Variants in PCDHGA1 observed in about 807,000 individuals in gnomAD.
PCDHGA1 encodes protocadherin gamma subfamily A, 1.
PCDHGA1 carries 32 observed loss-of-function variants against 58.0 expected under a neutral mutation model. That is an observed-to-expected ratio of 0.55 (90% CI 0.42 to 0.74). PCDHGA1 has a LOEUF of 0.74. PCDHGA1 is among the 30% of genes least tolerant of loss of function. The pLI, the probability that PCDHGA1 is intolerant of heterozygous loss-of-function variation, is 0.00. For synonymous variants in PCDHGA1, 498 were observed against 501.1 expected (o/e 0.99, Z 0.08); for missense variants, 1,205 against 1,182.3 (o/e 1.02, Z -0.28).
At position 141,487,934 on chromosome 5, in the gene PCDHGA1, C is replaced by G; in HGVS notation, c.2422-6873C>G. 4.9e-6 allele frequency: 3 copies of G among 607,674 alleles called. No individual in the cohort carries two copies. Among genetic ancestry groups the G allele is most frequent in the Non-Finnish European group, 5.8e-6 (2 of 347,576 alleles). The allele number at this position is 607,674 out of a possible 1,614,324, so 37.6% of individuals were successfully genotyped here. A position where few individuals can be genotyped will look rare whatever the true frequency, so the allele number is the denominator to read the frequency against. On this transcript the variant is annotated intron_variant, in intron 1 of 3. Transcript: ENST00000517417. The surrounding 1 kb of genome is among the most constrained non-coding windows in gnomAD (Gnocchi z 5.0). ...ACAGGAGGCTACAGTGCACAGGGTA[C>G]AGTGCACCAGGCAGTCACTTGGACA... is the stretch of plus-strand genomic sequence containing the variant.
intron 3 of PCDHGA1, among the ~76,000 whole-genome samples, chr5:141,506,923 C>G: frequency 6.6e-6 from 1 of 152,184 alleles, no homozygotes; most frequent in African/African-American, 2.4e-5. Flanking sequence ...ACATACTAAA[C>G]AAACTTTAGG....
chr5:141,460,467 AG>A (rs1303418429), intron 1 of PCDHGA1, among the ~76,000 whole-genome samples: 1 of 152,114 alleles, frequency 6.6e-6, no homozygotes, highest in African/African-American at 2.4e-5. Flanking sequence ...TTTTTTCCAA[AG>A]GAATATCCAA....
intron 1 of PCDHGA1, among the ~76,000 whole-genome samples, chr5:141,450,696 A>G (rs943551061): frequency 1.3e-5 from 2 of 152,164 alleles, no homozygotes; most frequent in East Asian, 3.9e-4. Flanking sequence ...CATGTTGCCC[A>G]GGATGGTCTC....
intron 1 of PCDHGA1, among the ~76,000 whole-genome samples, chr5:141,349,462 A>G (rs1403723777): frequency 6.6e-6 from 1 of 152,194 alleles, no homozygotes; most frequent in Non-Finnish European, 1.5e-5. Flanking sequence ...ATGTATGTGT[A>G]CCCCAACACT....
At chr5:141,452,831 G>A (rs1184490491) in intron 1 of PCDHGA1, among the ~76,000 whole-genome samples, 1 of 152,104 alleles carries the variant, frequency 6.6e-6, no homozygotes, top group Non-Finnish European at 1.5e-5. Flanking sequence ...AAAATCACTT[G>A]GTCCAGCCCA....
rs1364890100 is a variant in PCDHGA1 at position 141,344,166 on chromosome 5, G to T, written c.2421+11061G>T. ...TGAGGAGCTAGATAAAGGTTCCTTC[G>T]TGGGCAACATCGCTAACGACCTGGG... On this transcript the variant is annotated intron_variant, in intron 1 of 3. Coordinates refer to ENST00000517417, the MANE Select transcript of PCDHGA1 (RefSeq NM_018912.3). 72 of 1,613,904 alleles carry T rather than the reference G, an allele frequency of 4.5e-5. No individual in the cohort carries two copies. The highest frequency in any genetic ancestry group is 5.8e-5 in the Non-Finnish European group (68 of 1,179,908).
rs769760594 is a variant in PCDHGA1, at chr5:141,389,212, TA to T, written c.2421+56110del. ...AGCATCACCCTGCACATTGGTGATG[TA>T]AATGACAACGCTCCGGTTTTCTCAC... On this transcript the variant is annotated intron_variant, in intron 1 of 3. Coordinates refer to ENST00000517417, the MANE Select transcript of PCDHGA1 (RefSeq NM_018912.3). 96 of 1,614,016 alleles carry T rather than the reference TA, an allele frequency of 5.9e-5. No homozygotes were observed. The East Asian group carries it at 2.0e-3, about 33-fold the overall frequency.
At position 141,432,143 on chromosome 5, in the gene PCDHGA1, C is replaced by A; in HGVS notation, c.2422-62664C>A. The A allele has an allele frequency of 6.2e-7, 1 of 1,614,084 alleles. No homozygotes were observed. Among genetic ancestry groups the A allele is most frequent in the South Asian group, 1.1e-5 (1 of 91,068 alleles). On this transcript the variant is annotated intron_variant, in intron 1 of 3. Transcript: ENST00000517417. The surrounding 1 kb of genome is among the most constrained non-coding windows in gnomAD (Gnocchi z 6.0). ...TCAGGCCTCCTATTCCGCTTATATC[C>A]CAGAGAACAATCCCAGAGGAGTTTC... is the stretch of plus-strand genomic sequence containing the variant.
intron 1 of PCDHGA1, chr5:141,399,810 C>T (rs148150333): frequency 3.9e-5 from 63 of 1,613,194 alleles, no homozygotes; most frequent in Non-Finnish European, 4.9e-5. Flanking sequence ...TGCTGTACCC[C>T]GCGCTGGGTC....
chr5:141,509,207 A>C (rs1263006059), intron 3 of PCDHGA1, among the ~76,000 whole-genome samples: 2 of 151,694 alleles, frequency 1.3e-5, no homozygotes, highest in Non-Finnish European at 2.9e-5. Context: ...CTGTCTCTCT[A>C]TTTCTCAATC....
At chr5:141,405,575 G>C in intron 1 of PCDHGA1, 1 of 598,040 alleles carries the variant, frequency 1.7e-6, no homozygotes. Flanking sequence ...GAGTAGAGTA[G>C]CTGGGACTAC....
Position 141,491,763 on chromosome 5 carries a change from T to A in PCDHGA1, c.2422-3044T>A. 1 of 1,570,222 alleles carries A rather than the reference T, an allele frequency of 6.4e-7. No individual in the cohort carries two copies. The highest frequency in any genetic ancestry group is 8.6e-7 in the Non-Finnish European group (1 of 1,159,286). On this transcript the variant is annotated intron_variant, in intron 1 of 3. Transcript: ENST00000517417. This position sits in a 1 kb window ranked among gnomAD's most constrained non-coding sequence, Gnocchi z 6.9. ...GCGGCACTGGAGAAGCCGCCCGTCC[T>A]CATAAGGGATTGAACTTGCATCCAC... is the stretch of plus-strand genomic sequence containing the variant.
rs547778963 is a variant in PCDHGA1 at position 141,357,070 on chromosome 5, G to A, written c.2421+23965G>A. 1.9e-6 allele frequency: 3 copies of A among 1,613,960 alleles called. No individual in the cohort carries two copies. The highest frequency in any genetic ancestry group is 3.3e-5 in the Admixed American group (2 of 60,028). On this transcript the variant is annotated intron_variant, in intron 1 of 3. Coordinates refer to ENST00000517417, the MANE Select transcript of PCDHGA1 (RefSeq NM_018912.3). Reference sequence around the variant, plus strand: ...ACTATTTGCAGTGGGGCTGCACACAGGCGAGGTGCGCACCGCACGGGCCCT... The same window carrying A: ...ACTATTTGCAGTGGGGCTGCACACAAGCGAGGTGCGCACCGCACGGGCCCT...
At chr5:141,483,656 G>A (rs1345435222) in intron 1 of PCDHGA1, among the ~76,000 whole-genome samples, 1 of 151,984 alleles carries the variant, frequency 6.6e-6, no homozygotes, top group Non-Finnish European at 1.5e-5. Flanking sequence ...GTTTGTGTGT[G>A]TGTGTGTGTG....
chr5:141,401,285 T>TGAGCC (rs2094137060), intron 1 of PCDHGA1, among the ~76,000 whole-genome samples: 1 of 151,918 alleles, frequency 6.6e-6, no homozygotes, highest in Non-Finnish European at 1.5e-5. Context: ...GAGGTTGCGG[T>TGAGCC]GAGCCGAGAT....
intron 1 of PCDHGA1, among the ~76,000 whole-genome samples, chr5:141,445,277 A>G (rs769047096): frequency 6.6e-6 from 1 of 152,256 alleles, no homozygotes; most frequent in African/African-American, 2.4e-5. Flanking sequence ...ACCACTCTGC[A>G]TAAGTTCAGG....
chr5:141,423,265 G>A (rs973635802), intron 1 of PCDHGA1: 15 of 1,613,548 alleles, frequency 9.3e-6, no homozygotes, highest in African/African-American at 1.3e-5. Context: ...CGGCAGCCTC[G>A]AGTCTCTGGC....
chr5:141,339,246 G>T (rs757510956), intron 1 of PCDHGA1: 2 of 1,614,174 alleles, frequency 1.2e-6, no homozygotes, highest in South Asian at 2.2e-5. Context: ...AGGATAGACC[G>T]GGAGGAGCTC....
At chr5:141,339,558 T>C in intron 1 of PCDHGA1, 2 of 1,614,204 alleles carry the variant, frequency 1.2e-6, no homozygotes, top group Middle Eastern at 1.6e-4. Context: ...GAACTGGTGC[T>C]GGAGCGCTCT....
Sources: gnomAD v4.1 joint callset for allele counts (sites outside exome capture counted in the v4.1 genomes callset) on GRCh38, gnomAD v4.1.1 for gene constraint, Gnocchi (gnomAD v3.1) non-coding constraint, MANE v1.5 for transcripts, NCBI Gene and HGNC (gene_info 2026-07-23, HGNC 2026-07-21) for gene names.